Variants in UBAP2 observed in about 807,000 individuals in gnomAD.
UBAP2 encodes the protein ubiquitin associated protein 2.
A neutral mutation model predicts 139.6 loss-of-function variants in UBAP2; 75 were observed. The observed-to-expected ratio is 0.54, with a 90% CI of 0.45 to 0.65. The LOEUF (loss-of-function observed/expected upper bound fraction) is 0.65. Among genes scored for constraint, UBAP2 ranks in the 30% least tolerant of loss-of-function variants. The probability of loss-of-function intolerance (pLI) is 0.00; values close to 1 mark genes in which losing one functional copy is unlikely to be tolerated. For synonymous variants in UBAP2, 526 were observed against 526.2 expected (o/e 1.00, Z 0.01); for missense variants, 1,368 against 1,369.6 (o/e 1.00, Z 0.02).
chr9:33,986,200 G>A (rs915461816), intron 6 of UBAP2, among the ~76,000 whole-genome samples: 2 of 151,910 alleles, frequency 1.3e-5, no homozygotes, highest in Non-Finnish European at 2.9e-5. Context: ...CTACAGGTGC[G>A]TGCCACCACA....
At chr9:34,004,029 G>A (rs1309372510) in intron 2 of UBAP2, among the ~76,000 whole-genome samples, 1 of 151,918 alleles carries the variant, frequency 6.6e-6, no homozygotes, top group Non-Finnish European at 1.5e-5. Flanking sequence ...CCCAAATATA[G>A]CTTTCTAACA....
rs777719442 is a variant in UBAP2, at chr9:33,948,596, G to A, written c.1057-9C>T. 6.2e-7 allele frequency: 1 copy of A among 1,613,088 alleles called. No individual in the cohort carries two copies. The highest frequency in any genetic ancestry group is 8.5e-7 in the Non-Finnish European group (1 of 1,179,274). ...GAGCCAAGGACGGATGACTTTAAAA[G>A]GGGGATAAAAGAACAAATCCTCAAC... On this transcript the variant is annotated splice_polypyrimidine_tract_variant and intron_variant, in intron 12 of 28. Coordinates refer to ENST00000379238, the MANE Select transcript of UBAP2 (RefSeq NM_001370062.2).
At chr9:33,989,164 A>C (rs974956040) in intron 4 of UBAP2, 38 bp from the exon 5 acceptor site, 1 of 1,564,358 alleles carries the variant, frequency 6.4e-7, no homozygotes, top group Admixed American at 2.1e-5. Context: ...TTATCATTCA[A>C]AGTGTGTACA....
intron 13 of UBAP2, among the ~76,000 whole-genome samples, chr9:33,946,848 A>G (rs1403267643): frequency 6.6e-6 from 1 of 152,214 alleles, no homozygotes; most frequent in Non-Finnish European, 1.5e-5. Context: ...CCTATCACTC[A>G]CTAGTTATGT....
At chr9:34,000,123 A>T (rs886933587) in intron 2 of UBAP2, among the ~76,000 whole-genome samples, 5 of 151,716 alleles carry the variant, frequency 3.3e-5, no homozygotes, top group Non-Finnish European at 5.9e-5. Context: ...GTATTTATTT[A>T]ATTTTTTAAA....
chr9:33,984,130 CTAA>C (rs1322947608), intron 6 of UBAP2, among the ~76,000 whole-genome samples: 2 of 151,956 alleles, frequency 1.3e-5, no homozygotes, highest in Non-Finnish European at 2.9e-5. Flanking sequence ...TCTCGAACTA[CTAA>C]TGTCAAGTGA....
intron 1 of UBAP2, among the ~76,000 whole-genome samples, chr9:34,018,131 A>T (rs1478077800): frequency 6.6e-6 from 1 of 151,734 alleles, no homozygotes. Flanking sequence ...AGACCAGCCT[A>T]GACAACACTG....
At chr9:33,977,099 C>T (rs1317865967) in intron 6 of UBAP2, among the ~76,000 whole-genome samples, 24 of 148,228 alleles carry the variant, frequency 1.6e-4, no homozygotes, top group South Asian at 6.4e-4. Context: ...AGTGCAGTGG[C>T]GCCACCTCGG....
intron 1 of UBAP2, among the ~76,000 whole-genome samples, chr9:34,042,456 C>T (rs555783983): frequency 1.5e-5 from 2 of 133,598 alleles, no homozygotes; most frequent in Non-Finnish European, 3.1e-5. Context: ...TCAGCCCAGG[C>T]GATAGTGCAA....
chr9:33,947,836 AAAT>A (rs1825766878), intron 13 of UBAP2, among the ~76,000 whole-genome samples: 3 of 148,692 alleles, frequency 2.0e-5, no homozygotes, highest in South Asian at 4.5e-4. Flanking sequence ...AAAAAAAAAA[AAAT>A]AAAATAATAG....
chr9:34,012,016 G>A (rs1823793405), intron 2 of UBAP2, among the ~76,000 whole-genome samples: 1 of 151,984 alleles, frequency 6.6e-6, no homozygotes, highest in African/African-American at 2.4e-5. Context: ...TACTAAGCCT[G>A]TACTCATTAA....
At chr9:34,015,755 G>A (rs1182097811) in intron 2 of UBAP2, among the ~76,000 whole-genome samples, 1 of 152,116 alleles carries the variant, frequency 6.6e-6, no homozygotes, top group Non-Finnish European at 1.5e-5. Context: ...CTGGAGTGCA[G>A]TAGCATCATC....
intron 1 of UBAP2, among the ~76,000 whole-genome samples, chr9:34,030,979 T>C (rs1758951183): frequency 6.6e-6 from 1 of 152,122 alleles, no homozygotes; most frequent in Middle Eastern, 3.4e-3. Context: ...GCACTGTAGC[T>C]CCTGCCTATA....
chr9:34,028,969 A>C (rs1825651674), intron 1 of UBAP2, among the ~76,000 whole-genome samples: 1 of 152,024 alleles, frequency 6.6e-6, no homozygotes. Flanking sequence ...TTTTTTAATT[A>C]GCCACGCTTG....
intron 6 of UBAP2, among the ~76,000 whole-genome samples, chr9:33,986,439 T>A (rs1252356629): frequency 2.6e-5 from 4 of 152,308 alleles, no homozygotes; most frequent in Non-Finnish European, 5.9e-5. Context: ...AAAGTATTTT[T>A]AAAATAAGGT....
intron 16 of UBAP2, among the ~76,000 whole-genome samples, chr9:33,937,530 C>G (rs2130906693): frequency 6.8e-6 from 1 of 145,996 alleles, no homozygotes; most frequent in East Asian, 2.0e-4. Flanking sequence ...TCATTTGAAC[C>G]TGGGAGGAAG....
chr9:34,022,627 TG>T (rs1825061538), intron 1 of UBAP2, among the ~76,000 whole-genome samples: 1 of 151,594 alleles, frequency 6.6e-6, no homozygotes, highest in Non-Finnish European at 1.5e-5. Flanking sequence ...TTAGTAGAGA[TG>T]GGGTTTCACC....
chr9:33,928,023 C>A, intron 19 of UBAP2, 31 bp from the exon 20 acceptor site: 1 of 1,587,890 alleles, frequency 6.3e-7, no homozygotes, highest in South Asian at 1.2e-5. Context: ...ACACATGGAT[C>A]TGGAGGCAGA....
intron 7 of UBAP2, among the ~76,000 whole-genome samples, chr9:33,972,248 C>G (rs1047566653): frequency 1.3e-5 from 2 of 152,180 alleles, no homozygotes; most frequent in East Asian, 3.8e-4. Context: ...AAACTGAACA[C>G]CCAGTTTAAT....
Sources: gnomAD v4.1 joint callset for allele counts (sites outside exome capture counted in the v4.1 genomes callset) on GRCh38, gnomAD v4.1.1 for gene constraint, MANE v1.5 for transcripts, NCBI Gene and HGNC (gene_info 2026-07-23, HGNC 2026-07-21) for gene names.